MNT: variants seen among roughly 807,000 people sequenced by gnomAD.
MNT encodes the protein MAX network transcriptional repressor.
MNT carries 13 observed loss-of-function variants against 40.7 expected under a neutral mutation model. The observed-to-expected ratio is 0.32, with a 90% confidence interval of 0.21 to 0.51. The LOEUF (loss-of-function observed/expected upper bound fraction) is 0.51. Ranked by LOEUF, MNT falls within the 20% of genes least tolerant of loss-of-function variation. The pLI is 0.98. For synonymous variants in MNT, 426 were observed against 354.8 expected (o/e 1.20, Z -2.26); for missense variants, 757 against 792.0 (o/e 0.96, Z 0.53).
intron 2 of MNT, 62 bp from the exon 3 acceptor site, chr17:2,394,408 A>C: frequency 6.2e-7 from 1 of 1,608,584 alleles, no homozygotes; most frequent in South Asian, 1.1e-5. Flanking sequence ...CTTCCTGACC[A>C]GCGCCGCCAC....
chr17:2,388,119 C>T (rs903640128), intron 4 of MNT, 70 bp from the exon 5 acceptor site: 1 of 1,425,856 alleles, frequency 7.0e-7, no homozygotes, highest in African/African-American at 1.4e-5. Flanking sequence ...CCCCACAAAC[C>T]TCTCCCTATC....
chr17:2,395,948 T>C (rs926642803), intron 1 of MNT, among the ~76,000 whole-genome samples: 3 of 152,236 alleles, frequency 2.0e-5, no homozygotes, highest in Admixed American at 2.0e-4. Flanking sequence ...CCTTTAACAA[T>C]GTTTACCAAG....
At position 2,394,211 on chromosome 17, in the gene MNT, G is replaced by T. The variant is rs1248636912; in HGVS notation, c.696-57C>A. ...GCCTGGGGCGGGGCTGGGACGGGGGGAGGCAGGACCGGGGAAGCTGGGGCC... is the reference window on the plus strand; with the variant it reads ...GCCTGGGGCGGGGCTGGGACGGGGGTAGGCAGGACCGGGGAAGCTGGGGCC... On this transcript the variant is annotated intron_variant, in intron 3 of 5. Transcript: ENST00000174618. 4 of 1,597,792 alleles carry T rather than the reference G, an allele frequency of 2.5e-6. No homozygotes were observed. The Admixed American group carries it at 5.1e-5, about 21-fold the overall frequency.
At position 2,394,158 on chromosome 17, in the gene MNT, AAG is replaced by A. The variant is rs924423045; in HGVS notation, c.696-6_696-5del. ...GCACTCTTTCAGATGGGCCCTCCTG[AAG>A]AGAGGGGCGAGCGCCGGTCAGCGGT... On this transcript the variant is annotated splice_polypyrimidine_tract_variant and splice_region_variant and intron_variant, in intron 3 of 5. Coordinates refer to ENST00000174618, the MANE Select transcript of MNT (RefSeq NM_020310.3). The A allele has an allele frequency of 1.3e-5, 21 of 1,607,014 alleles. No individual in the cohort carries two copies. Among genetic ancestry groups the A allele is most frequent in the African/African-American group, 6.8e-5 (5 of 73,568 alleles).
intron 1 of MNT, among the ~76,000 whole-genome samples, chr17:2,397,443 C>A (rs1165168279): frequency 6.6e-6 from 1 of 152,164 alleles, no homozygotes; most frequent in Non-Finnish European, 1.5e-5. Flanking sequence ...GGCCTTGAGA[C>A]ATGGACTCCA....
At chr17:2,399,364 T>C (rs2066598876) in intron 1 of MNT, among the ~76,000 whole-genome samples, 1 of 152,208 alleles carries the variant, frequency 6.6e-6, no homozygotes, top group African/African-American at 2.4e-5. Flanking sequence ...CGCCGAAGTT[T>C]GCCCTTTCTC....
Position 2,385,464 on chromosome 17 carries a change from C to T in MNT, c.*1437G>A, listed in dbSNP as rs1217165852. 6.6e-6 allele frequency: 1 copy of T among 152,466 alleles called. No homozygotes were observed. The highest frequency in any genetic ancestry group is 1.9e-4 in the East Asian group (1 of 5,184). The allele number at this position is 152,466 out of a possible 1,614,324, so 9.4% of individuals were successfully genotyped here. On this transcript the variant is annotated 3_prime_UTR_variant, in exon 6 of 6. Transcript: ENST00000174618. ...GGTGGGGAGCCGAGCGTGTCTGACA[C>T]AAAGCCACTTGTAATAAACACCCAC...
In MNT at chr17:2,394,978, G is replaced by A. The variant is rs1427409354; in HGVS notation, c.550C>T (p.Pro184Ser). The A allele has an allele frequency of 3.7e-6, 6 of 1,607,174 alleles. No individual in the cohort carries two copies. The Admixed American group carries it at 6.8e-5, about 18-fold the overall frequency. The part of the protein sequence containing the change: ...LTIAPHPGVQ[P>S]QLAPQQPPPP... ...GGCGGCTGCTGGGGGGCCAGCTGAG[G>A]CTGGACTCCAGGGTGTGGCGCTATG... Residue 184 changes from proline to serine, a missense_variant, in exon 2 of 6, where the codon CCT becomes TCT. Pro to Ser is a moderately conservative substitution (Grantham distance 74, BLOSUM62 -1). Around this residue, in one of 4 missense-constraint regions of MNT, gnomAD observed 335 missense variants for 291.4 expected, o/e 1.15. Transcript: ENST00000174618.
intron 1 of MNT, among the ~76,000 whole-genome samples, chr17:2,398,725 G>T (rs1243089976): frequency 6.6e-6 from 1 of 152,202 alleles, no homozygotes; most frequent in East Asian, 1.9e-4. Context: ...GGCAGCAGGT[G>T]ACTTAATCTC....
In MNT at chr17:2,386,619, G is replaced by T; in HGVS notation, c.*282C>A. ...TCGCACTGATTTCCGAGGGTAGGGA[G>T]GGGAAGCAGGAGCGGCACTGGAGCT... On this transcript the variant is annotated 3_prime_UTR_variant, in exon 6 of 6. Transcript: ENST00000174618. 1 of 409,760 alleles carries T rather than the reference G, an allele frequency of 2.4e-6. No individual in the cohort carries two copies. The highest frequency in any genetic ancestry group is 4.0e-5 in the Admixed American group (1 of 24,850). 25.4% of individuals were successfully genotyped at this position (409,760 alleles called of 1,614,324 possible). A position where few individuals can be genotyped will look rare whatever the true frequency, so the allele number is the denominator to read the frequency against.
Position 2,387,567 on chromosome 17 carries a change from C to T in MNT, c.1083G>A (p.Pro361=), listed in dbSNP as rs1444665123. 20 of 1,613,992 alleles carry T rather than the reference C, an allele frequency of 1.2e-5. No individual in the cohort carries two copies. Among genetic ancestry groups the T allele is most frequent in the Admixed American group, 3.3e-5 (2 of 60,012 alleles). ...GTGGCAGGGTGGACTTCAGCAGCTC[C>T]GGCTGGGGACGATGGCTCAGCTTAG... ...GPPKLSHRPQ[P]ELLKSTLPPP... The change falls in exon 6 of 6, where the codon CCG becomes CCA. Residue 361 remains proline, a synonymous_variant. Transcript: ENST00000174618.
chr17:2,400,347 C>T (rs1243142153), intron 1 of MNT: 1 of 326,362 alleles, frequency 3.1e-6, no homozygotes. Flanking sequence ...CCACCGAGGG[C>T]TCCGCTGGCC....
At chr17:2,392,919 G>A (rs954683061) in intron 4 of MNT, among the ~76,000 whole-genome samples, 3 of 152,112 alleles carry the variant, frequency 2.0e-5, no homozygotes, top group Non-Finnish European at 4.4e-5. Flanking sequence ...CCCCCCTGGA[G>A]CAGTCGCGAA....
rs773302165 is a variant in MNT at position 2,387,344 on chromosome 17, C to A, written c.1306G>T (p.Gly436Cys). ...GTGTGGGCGATGACCGTGGAGCCAC[C>A]CCCAGCCGTCGCCACCAGATGGGCT... ...APAHLVATAG[G>C]GSTVIAHTAT... Residue 436 changes from glycine to cysteine, a missense_variant, in exon 6 of 6, where the codon GGT becomes TGT. Physicochemically the swap from Gly to Cys is radical, Grantham distance 159. This residue lies in a region of MNT where 345 missense variants were observed against 380.1 expected (regional missense o/e 0.91). Transcript: ENST00000174618. The A allele has an allele frequency of 3.7e-6, 6 of 1,612,346 alleles. No individual in the cohort carries two copies. Among genetic ancestry groups the A allele is most frequent in the South Asian group, 2.2e-5 (2 of 90,816 alleles).
At position 2,394,948 on chromosome 17, in the gene MNT, G is replaced by A. The variant is rs1372870188; in HGVS notation, c.580C>T (p.Pro194Ser). ...PQLAPQQPPP[P>S]TLGTLKLAPA... ...GCCAACTTCAGGGTCCCCAGCGTGG[G>A]TGGGGGCGGCTGCTGGGGGGCCAGC... Residue 194 changes from proline to serine, a missense_variant, in exon 2 of 6, where the codon CCC becomes TCC. This residue lies in a region of MNT where 335 missense variants were observed against 291.4 expected (regional missense o/e 1.15). Transcript: ENST00000174618. 1.9e-6 allele frequency: 3 copies of A among 1,608,234 alleles called. No homozygotes were observed. Among genetic ancestry groups the A allele is most frequent in the South Asian group, 2.2e-5 (2 of 89,994 alleles).
rs1267870423 is a variant in MNT, at chr17:2,394,966, G to A, written c.562C>T (p.Pro188Ser). The A allele has an allele frequency of 2.5e-6, 4 of 1,607,436 alleles. No individual in the cohort carries two copies. Among genetic ancestry groups the A allele is most frequent in the Non-Finnish European group, 2.5e-6 (3 of 1,177,400 alleles). ...PHPGVQPQLA[P>S]QQPPPPTLGT... ...AGCGTGGGTGGGGGCGGCTGCTGGG[G>A]GGCCAGCTGAGGCTGGACTCCAGGG... The change falls in exon 2 of 6, where the codon CCC becomes TCC. Residue 188 changes from proline (P) to serine (S), a missense_variant. Pro to Ser is a moderately conservative substitution (Grantham distance 74). Around this residue, in one of 4 missense-constraint regions of MNT, gnomAD observed 335 missense variants for 291.4 expected, o/e 1.15. Coordinates refer to ENST00000174618, the MANE Select transcript of MNT (RefSeq NM_020310.3).
At chr17:2,389,004 A>G (rs1265086693) in intron 4 of MNT, among the ~76,000 whole-genome samples, 1 of 151,782 alleles carries the variant, frequency 6.6e-6, no homozygotes, top group African/African-American at 2.4e-5. Flanking sequence ...GGCTTTTCAC[A>G]CACACAACTC....
intron 1 of MNT, among the ~76,000 whole-genome samples, chr17:2,398,110 C>T (rs902442084): frequency 5.3e-5 from 8 of 152,254 alleles, no homozygotes; most frequent in African/African-American, 1.4e-4. Context: ...CCCATCTGCA[C>T]GCTAAACAGG....
At chr17:2,392,454 G>A (rs886991586) in intron 4 of MNT, among the ~76,000 whole-genome samples, 5 of 152,184 alleles carry the variant, frequency 3.3e-5, no homozygotes, top group African/African-American at 9.7e-5. Flanking sequence ...GGCGCCCTCT[G>A]CAAGTAGTAT....
Sources: allele counts gnomAD v4.1 joint callset (sites outside exome capture counted in the v4.1 genomes callset), GRCh38; gene constraint gnomAD v4.1.1; regional missense constraint gnomAD v4.1.1; transcripts MANE v1.5; gene names NCBI Gene and HGNC (gene_info 2026-07-23, HGNC 2026-07-21).